SYTL2: variants seen among roughly 807,000 people sequenced by gnomAD.
SYTL2 encodes the protein synaptotagmin-like protein 2.
A neutral mutation model predicts 198.7 loss-of-function variants in SYTL2; 165 were observed. That is an observed-to-expected ratio of 0.83 (90% CI 0.73 to 0.94). The LOEUF (loss-of-function observed/expected upper bound fraction) is 0.94. SYTL2 is among the 40% of genes least tolerant of loss of function. The pLI is 0.00. For missense variants in SYTL2, 2,835 were observed against 2,582.8 expected, an observed-to-expected ratio of 1.10 and a Z score of -2.12; for synonymous variants, 966 against 917.7, an observed-to-expected ratio of 1.05 and a Z score of -0.95.
At chr11:85,696,111 A>G (rs1454143138) in intron 19 of SYTL2, 72 bp downstream of exon 19, 1 of 1,264,170 alleles carries the variant, frequency 7.9e-7, no homozygotes, top group African/African-American at 1.5e-5. Flanking sequence ...GAAGAAGCAA[A>G]GCAACAAACA....
Position 85,726,431 on chromosome 11 carries a change from AC to A in SYTL2, c.2926del (p.Val976SerfsTer10). 1.9e-6 allele frequency: 3 copies of A among 1,613,378 alleles called. No individual in the cohort carries two copies. Among genetic ancestry groups the A allele is most frequent in the Non-Finnish European group, 2.5e-6 (3 of 1,179,844 alleles). On this transcript the variant is annotated frameshift_variant, in exon 8 of 20. Coordinates refer to ENST00000359152, the MANE Select transcript of SYTL2 (RefSeq NM_206927.4). LOFTEE classifies it high-confidence loss of function. ...ERMDEPNAEQ[V>X]YNPSQFENLR... ...ATTCTCAAACTGAGAGGGATTATAG[AC>A]CTGTTCTGCATTGGGTTCATCCATT...
At position 85,725,669 on chromosome 11, in the gene SYTL2, G is replaced by A. The variant is rs1382899576; in HGVS notation, c.3689C>T (p.Ala1230Val). The A allele has an allele frequency of 1.2e-6, 2 of 1,613,924 alleles. No homozygotes were observed. Residue 1230 changes from alanine (A) to valine (V), a missense_variant, in exon 8 of 20, where the codon GCC (alanine) becomes GTC (valine). Coordinates refer to ENST00000359152, the MANE Select transcript of SYTL2 (RefSeq NM_206927.4). ...ATGTSPSPLQ[A>V]KLAPVITGTN... is the part of the protein sequence containing the mutation. Reference sequence around the variant, plus strand: ...TCCAGTGATAACAGGCGCCAACTTGGCTTGCAAGGGAGAGGGTGAAGTTCC... The same window carrying A: ...TCCAGTGATAACAGGCGCCAACTTGACTTGCAAGGGAGAGGGTGAAGTTCC...
chr11:85,723,286 G>A (rs2088627222), intron 8 of SYTL2, among the ~76,000 whole-genome samples: 1 of 152,208 alleles, frequency 6.6e-6, no homozygotes, highest in South Asian at 2.1e-4. Context: ...CCAGAGAAAT[G>A]TACCTGGCCA....
chr11:85,730,543 G>T (rs1291863658), intron 7 of SYTL2, among the ~76,000 whole-genome samples: 1 of 152,038 alleles, frequency 6.6e-6, no homozygotes, highest in Non-Finnish European at 1.5e-5. Flanking sequence ...AAATTCAACA[G>T]CCCTTCTTGC....
rs765859860 is a variant in SYTL2, at chr11:85,726,325, A to AT, written c.3032dup (p.Asn1011LysfsTer6). The AT allele has an allele frequency of 6.2e-7, 1 of 1,614,042 alleles. No homozygotes were observed. The highest frequency in any genetic ancestry group is 2.2e-5 in the East Asian group (1 of 44,866). ...GTTTCTGCCTATTAAAAGGTGCAGAATTTTTTTGGCTTGTGGTGGTAATAT... is the reference window on the plus strand; with the variant it reads ...GTTTCTGCCTATTAAAAGGTGCAGAATTTTTTTTGGCTTGTGGTGGTAATAT... On this transcript the variant is annotated frameshift_variant, in exon 8 of 20. Coordinates refer to ENST00000359152, the MANE Select transcript of SYTL2 (RefSeq NM_206927.4). LOFTEE classifies it high-confidence loss of function.
intron 4 of SYTL2, among the ~76,000 whole-genome samples, chr11:85,744,547 G>A (rs1370543913): frequency 6.6e-6 from 1 of 152,138 alleles, no homozygotes; most frequent in African/African-American, 2.4e-5. Context: ...AGTACCCATA[G>A]AGTCAGTATT....
the SYTL2 span, among the ~76,000 whole-genome samples, chr11:85,835,721 T>G: frequency 6.6e-6 from 1 of 152,206 alleles, no homozygotes; most frequent in Non-Finnish European, 1.5e-5. Context: ...ACTATCATAA[T>G]GGGATTTCCT....
At position 85,748,316 on chromosome 11, in the gene SYTL2, T is replaced by C. The variant is rs368491399; in HGVS notation, c.209A>G (p.Asp70Gly). 3.7e-6 allele frequency: 6 copies of C among 1,613,946 alleles called. No homozygotes were observed. Among genetic ancestry groups the C allele is most frequent in the East Asian group, 4.5e-5 (2 of 44,904 alleles). Residue 70 changes from aspartate (D) to glycine (G), a missense_variant, in exon 3 of 20, where the codon GAT becomes GGT. This residue lies in a region of SYTL2 where 2,645 missense variants were observed against 2,381.7 expected (regional missense o/e 1.11). Transcript: ENST00000359152. ...CTTTCTCATAGATGCTCTGATGATA[T>C]CTGCGCCATGGATTTTGTCCCTGTG... ...KRHRDKIHGA[D>G]IIRASMRKKR...
At chr11:85,842,721 A>G in the SYTL2 span, among the ~76,000 whole-genome samples, 2 of 152,048 alleles carry the variant, frequency 1.3e-5, no homozygotes, top group Non-Finnish European at 2.9e-5. Context: ...CATGTCAGAA[A>G]CTCTTTCCTA....
Position 85,734,662 on chromosome 11 carries a change from G to C in SYTL2, c.667C>G (p.Pro223Ala). 6.2e-7 allele frequency: 1 copy of C among 1,614,162 alleles called. No homozygotes were observed. The highest frequency in any genetic ancestry group is 2.2e-5 in the East Asian group (1 of 44,882). Residue 223 changes from proline (P) to alanine (A), a missense_variant, in exon 7 of 20, where the codon CCA (proline) becomes GCA (alanine). By Grantham distance (27) the Pro-to-Ala change is conservative. Coordinates refer to ENST00000359152, the MANE Select transcript of SYTL2 (RefSeq NM_206927.4). ...QKLEKSKQTL[P>A]GLSNGSQIKA... ...ATTTGGGACCCATTTGAAAGGCCTG[G>C]CAAAGTCTGCTTTGATTTCTCTAAC... is the stretch of plus-strand genomic sequence containing the variant.
the SYTL2 span, among the ~76,000 whole-genome samples, chr11:85,820,365 C>T: frequency 6.6e-6 from 1 of 152,052 alleles, no homozygotes; most frequent in African/African-American, 2.4e-5. Context: ...TGGGTTTTAC[C>T]AAACTTCCCA....
chr11:85,821,747 G>C, the SYTL2 span, among the ~76,000 whole-genome samples: 1 of 152,234 alleles, frequency 6.6e-6, no homozygotes, highest in Admixed American at 6.5e-5. Context: ...AGTACCCAGA[G>C]AGGTAATGTG....
At chr11:85,818,521 G>A in the SYTL2 span, among the ~76,000 whole-genome samples, 4 of 152,238 alleles carry the variant, frequency 2.6e-5, no homozygotes, top group South Asian at 8.3e-4. Flanking sequence ...TCTAGTTCTG[G>A]TTTTATGTAA....
chr11:85,773,108 A>G (rs1566009927), intron 1 of SYTL2, among the ~76,000 whole-genome samples: 2 of 152,172 alleles, frequency 1.3e-5, no homozygotes, highest in Admixed American at 1.3e-4. Context: ...TATGGCCATG[A>G]GTGTTTCACT....
At chr11:85,792,132 G>GA (rs951498151) in intron 1 of SYTL2, among the ~76,000 whole-genome samples, 3 of 152,040 alleles carry the variant, frequency 2.0e-5, no homozygotes, top group Non-Finnish European at 4.4e-5. Flanking sequence ...CTGCTCCAGG[G>GA]AAAGCCTATT....
In SYTL2 at chr11:85,757,877, GT is replaced by G; in HGVS notation, c.-153del. 9.4e-7 allele frequency: 1 copy of G among 1,062,510 alleles called. No individual in the cohort carries two copies. The highest frequency in any genetic ancestry group is 1.3e-6 in the Non-Finnish European group (1 of 744,610). 65.8% of individuals were successfully genotyped at this position (1,062,510 alleles called of 1,614,324 possible). A position where few individuals can be genotyped will look rare whatever the true frequency, so the allele number is the denominator to read the frequency against. ...AAAGTCTTATTTTGGCTCAGCAAAA[GT>G]TTAGGGCAGCTGATAGCAAGATCCT... On this transcript the variant is annotated 5_prime_UTR_variant, in exon 2 of 20. Transcript: ENST00000359152.
chr11:85,728,427 C>T (rs150415460), intron 7 of SYTL2, among the ~76,000 whole-genome samples: 2,569 of 152,174 alleles, frequency 0.017, 94 homozygotes, highest in African/African-American at 0.059. Context: ...GCTGGGATTA[C>T]AGCCATGCAC....
intron 3 of SYTL2, among the ~76,000 whole-genome samples, chr11:85,747,816 A>T (rs2153525953): frequency 6.6e-6 from 1 of 152,344 alleles, no homozygotes; most frequent in East Asian, 1.9e-4. Flanking sequence ...TCAAATAAAC[A>T]AGAAGGTTTT....
intron 1 of SYTL2, among the ~76,000 whole-genome samples, chr11:85,800,242 A>G (rs1050712686): frequency 2.0e-5 from 3 of 152,156 alleles, no homozygotes; most frequent in African/African-American, 4.8e-5. Flanking sequence ...CACATGAAAG[A>G]GTCCAGGTTC....
Sources: allele counts gnomAD v4.1 joint callset (sites outside exome capture counted in the v4.1 genomes callset), GRCh38; gene constraint gnomAD v4.1.1; regional missense constraint gnomAD v4.1.1; transcripts MANE v1.5; gene names NCBI Gene and HGNC (gene_info 2026-07-23, HGNC 2026-07-21).